The following TSHZ2 variants were observed in gnomAD, a reference collection of about 807,000 sequenced individuals.
The protein encoded by TSHZ2 is teashirt homolog 2.
In TSHZ2, 21 loss-of-function variants were observed where a neutral mutation model predicts 74.4. That is an observed-to-expected ratio of 0.28 (90% CI 0.20 to 0.41). TSHZ2 has a LOEUF of 0.41. TSHZ2 is among the 10% of genes least tolerant of loss of function. TSHZ2 has a pLI of 1.00. For missense variants in TSHZ2, 1,244 were observed against 1,293.5 expected, an observed-to-expected ratio of 0.96 and a Z score of 0.59; for synonymous variants, 540 against 515.3, an observed-to-expected ratio of 1.05 and a Z score of -0.65.
At chr20:53,188,227 G>A (rs1988646861) in intron 1 of TSHZ2, among the ~76,000 whole-genome samples, 1 of 152,100 alleles carries the variant, frequency 6.6e-6, no homozygotes, top group Non-Finnish European at 1.5e-5. Context: ...GGGGAGGGGA[G>A]GGCCAGCCAT....
intron 2 of TSHZ2, among the ~76,000 whole-genome samples, chr20:53,302,569 G>A (rs1011562530): frequency 6.6e-6 from 1 of 152,112 alleles, no homozygotes; most frequent in Non-Finnish European, 1.5e-5. Context: ...CTGGGTTCCC[G>A]GGAGAATGGG....
chr20:53,023,493 C>T (rs11907794), intron 1 of TSHZ2, among the ~76,000 whole-genome samples: 6,878 of 152,158 alleles, frequency 0.045, 350 homozygotes, highest in South Asian at 0.13. Flanking sequence ...TTAGCCTCTA[C>T]GCAGGAGTAC....
intron 2 of TSHZ2, among the ~76,000 whole-genome samples, chr20:53,387,382 A>G (rs81489): frequency 0.56 from 84,700 of 152,074 alleles, 26,523 homozygotes; most frequent in Non-Finnish European, 0.72. Context: ...CCTTGATTCT[A>G]TGTGGGGATA....
At chr20:53,324,140 G>A (rs1979396760) in intron 2 of TSHZ2, among the ~76,000 whole-genome samples, 1 of 152,110 alleles carries the variant, frequency 6.6e-6, no homozygotes, top group African/African-American at 2.4e-5. Context: ...TAGCTCCGGC[G>A]TTTTTGAGAG....
chr20:53,273,534 C>T (rs1990881061), intron 2 of TSHZ2, among the ~76,000 whole-genome samples: 1 of 152,216 alleles, frequency 6.6e-6, no homozygotes, highest in African/African-American at 2.4e-5. Flanking sequence ...GGTGATCCAC[C>T]TGCCTCGACT....
At chr20:53,307,839 G>C (rs546512629) in intron 2 of TSHZ2, among the ~76,000 whole-genome samples, 19 of 152,264 alleles carry the variant, frequency 1.2e-4, no homozygotes, top group African/African-American at 4.3e-4. Flanking sequence ...CTCTAAACCA[G>C]TAGAATGACC....
At chr20:52,973,490 G>T (rs1470442748) in intron 1 of TSHZ2, among the ~76,000 whole-genome samples, 157 bp downstream of exon 1, 1 of 152,112 alleles carries the variant, frequency 6.6e-6, no homozygotes, top group Non-Finnish European at 1.5e-5. Context: ...CGCCTTCTCT[G>T]GTCTCCCAAA....
intron 1 of TSHZ2, among the ~76,000 whole-genome samples, chr20:53,201,078 A>G (rs1215737169): frequency 6.6e-6 from 1 of 152,126 alleles, no homozygotes; most frequent in African/African-American, 2.4e-5. Flanking sequence ...AGATCATTGC[A>G]GGTCTTATAG....
At chr20:52,997,262 G>GC (rs1555813120) in intron 1 of TSHZ2, among the ~76,000 whole-genome samples, 8 of 135,464 alleles carry the variant, frequency 5.9e-5, no homozygotes, top group Admixed American at 1.4e-4. Flanking sequence ...CTTGCCCCGG[G>GC]GGGGGGTTCA....
At chr20:53,225,935 A>T (rs912617849) in intron 1 of TSHZ2, among the ~76,000 whole-genome samples, 1 of 152,186 alleles carries the variant, frequency 6.6e-6, no homozygotes, top group Non-Finnish European at 1.5e-5. Context: ...TCTACTATGG[A>T]TGTATTTATG....
chr20:52,977,897 T>A (rs1486875461), intron 1 of TSHZ2, among the ~76,000 whole-genome samples: 1 of 152,218 alleles, frequency 6.6e-6, no homozygotes, highest in Middle Eastern at 3.2e-3. Flanking sequence ...TGCTGAAGAT[T>A]ACTTTTGGGG....
chr20:53,157,573 C>T (rs57420837), intron 1 of TSHZ2, among the ~76,000 whole-genome samples: 6,094 of 151,860 alleles, frequency 0.04, 504 homozygotes, highest in East Asian at 0.38. Context: ...TGCCACGCCC[C>T]GAATTGGTAT....
intron 2 of TSHZ2, among the ~76,000 whole-genome samples, chr20:53,314,568 T>G (rs1419340259): frequency 6.6e-6 from 1 of 151,820 alleles, no homozygotes; most frequent in South Asian, 2.1e-4. Flanking sequence ...CTCCACCTGA[T>G]TGCTCTCCTT....
intron 1 of TSHZ2, among the ~76,000 whole-genome samples, chr20:53,184,278 T>C (rs1283164484): frequency 6.6e-6 from 1 of 152,214 alleles, no homozygotes; most frequent in Non-Finnish European, 1.5e-5. Flanking sequence ...AAATATTTGC[T>C]AAGCAGCTAC....
At chr20:53,184,680 T>G (rs993414438) in intron 1 of TSHZ2, among the ~76,000 whole-genome samples, 5 of 152,154 alleles carry the variant, frequency 3.3e-5, no homozygotes, top group Admixed American at 6.5e-5. Flanking sequence ...TATTTTTCAT[T>G]TTAATAATTT....
chr20:53,257,058 A>G (rs970435609), intron 2 of TSHZ2, among the ~76,000 whole-genome samples: 79 of 152,380 alleles, frequency 5.2e-4, no homozygotes, highest in African/African-American at 1.8e-3. Context: ...TAATCAGCTC[A>G]TGAATAGCTT....
chr20:52,982,738 G>T (rs776517832), intron 1 of TSHZ2, among the ~76,000 whole-genome samples: 14 of 152,076 alleles, frequency 9.2e-5, no homozygotes, highest in Non-Finnish European at 7.4e-5. Context: ...AATAAATCTG[G>T]CTTCATGAGG....
intron 1 of TSHZ2, among the ~76,000 whole-genome samples, chr20:53,066,606 C>T (rs1162640784): frequency 6.6e-6 from 1 of 152,116 alleles, no homozygotes; most frequent in Admixed American, 6.5e-5. Context: ...CTCCTGGGTT[C>T]AAGTGATTCT....
chr20:53,426,930 A>G (rs897122316), intron 2 of TSHZ2, among the ~76,000 whole-genome samples: 8 of 152,228 alleles, frequency 5.3e-5, no homozygotes, highest in Non-Finnish European at 1.2e-4. Context: ...CCTGTGATAC[A>G]GTATTTGCAT....
Sources: gnomAD v4.1 joint callset for allele counts (sites outside exome capture counted in the v4.1 genomes callset) on GRCh38, gnomAD v4.1.1 for gene constraint, MANE v1.5 for transcripts, NCBI Gene and HGNC (gene_info 2026-07-23, HGNC 2026-07-21) for gene names.